MYOCD: variants seen among roughly 807,000 people sequenced by gnomAD.
MYOCD encodes the protein myocardin.
In MYOCD, 32 loss-of-function variants were observed where a neutral mutation model predicts 96.1. The observed-to-expected ratio is 0.33, with a 90% CI of 0.25 to 0.45. The LOEUF is 0.45. MYOCD is among the 20% of genes least tolerant of loss of function. The probability of loss-of-function intolerance (pLI) is 1.00; values close to 1 mark genes in which losing one functional copy is unlikely to be tolerated. For synonymous variants in MYOCD, 469 were observed against 469.0 expected, an observed-to-expected ratio of 1.00 and a Z score of 0.00; for missense variants, 1,133 against 1,200.6, an observed-to-expected ratio of 0.94 and a Z score of 0.83.
intron 6 of MYOCD, among the ~76,000 whole-genome samples, chr17:12,738,460 A>AACAC (rs954185873): frequency 6.6e-6 from 1 of 151,912 alleles, no homozygotes; most frequent in African/African-American, 2.4e-5. Flanking sequence ...CGCACACACA[A>AACAC]ACACACACAC....
At chr17:12,703,562 G>C (rs947646505) in intron 1 of MYOCD, among the ~76,000 whole-genome samples, 1 of 151,892 alleles carries the variant, frequency 6.6e-6, no homozygotes, top group African/African-American at 2.4e-5. Context: ...AATACTCTGT[G>C]ACTTGATATC....
Position 12,758,145 on chromosome 17 carries a change from T to C in MYOCD, c.2263T>C (p.Phe755Leu). The change falls in exon 12 of 14, where the codon TTT becomes CTT. Residue 755 changes from phenylalanine to leucine, a missense_variant. Transcript: ENST00000425538. ...AAAGTTTTCAATTCCATCCCCAACT[T>C]TTTCTAAGTCAAGTTCAGCAATTTC... The part of the protein sequence containing the change: ...GPKFSIPSPT[F>L]SKSSSAISEV... 2 of 1,614,210 alleles carry C rather than the reference T, an allele frequency of 1.2e-6. No homozygotes were observed. Among genetic ancestry groups the C allele is most frequent in the Non-Finnish European group, 1.7e-6 (2 of 1,180,042 alleles).
At chr17:12,702,845 C>A (rs2031134976) in intron 1 of MYOCD, among the ~76,000 whole-genome samples, 1 of 151,890 alleles carries the variant, frequency 6.6e-6, no homozygotes, top group East Asian at 1.9e-4. Flanking sequence ...TGTATTACAT[C>A]TATGTGCTTT....
intron 9 of MYOCD, among the ~76,000 whole-genome samples, chr17:12,751,887 G>GT (rs1347350642): frequency 1.3e-5 from 2 of 152,166 alleles, no homozygotes; most frequent in Admixed American, 6.5e-5. Context: ...TTAGAAATGC[G>GT]TATCAACTGG....
At chr17:12,705,345 T>A (rs2031248681) in intron 2 of MYOCD, 152 bp downstream of exon 2, 2 of 571,222 alleles carry the variant, frequency 3.5e-6, no homozygotes, top group Middle Eastern at 2.6e-4. Flanking sequence ...AGACCTTGGA[T>A]GCTTTGCCCC....
intron 2 of MYOCD, among the ~76,000 whole-genome samples, chr17:12,707,039 A>T (rs1375658582): frequency 6.6e-6 from 1 of 152,166 alleles, no homozygotes; most frequent in Non-Finnish European, 1.5e-5. Context: ...GCTGGTGCAC[A>T]CTGCAGGCCC....
At chr17:12,697,335 G>GTATATATATATATATATATA (rs1007347099) in intron 1 of MYOCD, among the ~76,000 whole-genome samples, 3 of 92,036 alleles carry the variant, frequency 3.3e-5, no homozygotes, top group African/African-American at 4.5e-5. Flanking sequence ...TGGTATAGGA[G>GTATATATATATATATATATA]TATATATATA....
At chr17:12,698,424 G>A (rs1477540190) in intron 1 of MYOCD, among the ~76,000 whole-genome samples, 1 of 152,186 alleles carries the variant, frequency 6.6e-6, no homozygotes, top group Admixed American at 6.5e-5. Flanking sequence ...GTGAGAGGGA[G>A]AGGAATTTAT....
At chr17:12,675,539 C>T (rs909205084) in intron 1 of MYOCD, among the ~76,000 whole-genome samples, 38 of 152,238 alleles carry the variant, frequency 2.5e-4, no homozygotes, top group African/African-American at 9.1e-4. Context: ...TAAAACAATC[C>T]GGCAACATAT....
At chr17:12,760,863 T>C (rs1356101850) in intron 13 of MYOCD, 156 bp downstream of exon 13, 6 of 626,230 alleles carry the variant, frequency 9.6e-6, no homozygotes, top group Non-Finnish European at 1.7e-5. Context: ...CGCACATTTT[T>C]AGAGCTGATA....
intron 1 of MYOCD, among the ~76,000 whole-genome samples, chr17:12,681,544 T>C (rs998214966): frequency 2.6e-5 from 4 of 152,206 alleles, no homozygotes; most frequent in African/African-American, 9.7e-5. Flanking sequence ...TGCATGGTAA[T>C]TCTGAGACCG....
chr17:12,757,493 T>A (rs1355126895), intron 11 of MYOCD, among the ~76,000 whole-genome samples: 2 of 152,102 alleles, frequency 1.3e-5, no homozygotes, highest in African/African-American at 4.8e-5. Context: ...GATTATTTTT[T>A]ATTTATTATT....
At chr17:12,704,460 T>C (rs1427984563) in intron 1 of MYOCD, among the ~76,000 whole-genome samples, 2 of 152,214 alleles carry the variant, frequency 1.3e-5, no homozygotes, top group Non-Finnish European at 2.9e-5. Flanking sequence ...TTATTTATAA[T>C]GTATAATTTT....
chr17:12,687,666 G>T (rs1162872368), intron 1 of MYOCD, among the ~76,000 whole-genome samples: 8 of 152,000 alleles, frequency 5.3e-5, no homozygotes, highest in Admixed American at 5.2e-4. Flanking sequence ...AAATTATCTG[G>T]TCAAACCATG....
Position 12,704,903 on chromosome 17 carries a change from G to A in MYOCD, c.56-225G>A, listed in dbSNP as rs2031228320. On this transcript the variant is annotated intron_variant, in intron 1 of 13. Coordinates refer to ENST00000425538, the MANE Select transcript of MYOCD (RefSeq NM_001146312.3). The stretch of plus-strand genomic sequence containing the variant: ...AACAATCACTTCAAAGAGGAGACAA[G>A]TATTCTAATTCTAGTTTGGGACAGA... The A allele has an allele frequency of 1.6e-5, 8 of 509,624 alleles. No individual in the cohort carries two copies. In the East Asian group the frequency reaches 2.7e-4, roughly 17 times the overall value. 31.6% of individuals were successfully genotyped at this position (509,624 alleles called of 1,614,324 possible). A position where few individuals can be genotyped will look rare whatever the true frequency, so the allele number is the denominator to read the frequency against.
intron 10 of MYOCD, among the ~76,000 whole-genome samples, chr17:12,754,480 T>A (rs1167507613): frequency 3.3e-5 from 5 of 152,130 alleles, no homozygotes; most frequent in African/African-American, 1.2e-4. Context: ...ATGTCGTGGA[T>A]ATTTGGGGTG....
At chr17:12,742,300 T>C (rs1258002193) in intron 7 of MYOCD, among the ~76,000 whole-genome samples, 1 of 152,156 alleles carries the variant, frequency 6.6e-6, no homozygotes, top group African/African-American at 2.4e-5. Flanking sequence ...GAAGTCTCTT[T>C]GGAAAACAAA....
chr17:12,729,832 A>G (rs781050510), intron 5 of MYOCD, among the ~76,000 whole-genome samples: 18 of 151,916 alleles, frequency 1.2e-4, no homozygotes, highest in Non-Finnish European at 1.9e-4. Context: ...GCCTAATGTT[A>G]TTTTTCATCC....
intron 2 of MYOCD, among the ~76,000 whole-genome samples, chr17:12,713,661 G>T (rs1035983355): frequency 7.4e-6 from 1 of 134,288 alleles, no homozygotes; most frequent in Admixed American, 7.6e-5. Flanking sequence ...ACAATGGCCC[G>T]CTGGACTTCA....
Sources: gnomAD v4.1 joint callset for allele counts (sites outside exome capture counted in the v4.1 genomes callset) on GRCh38, gnomAD v4.1.1 for gene constraint, MANE v1.5 for transcripts, NCBI Gene and HGNC (gene_info 2026-07-23, HGNC 2026-07-21) for gene names.